The following PPM1F variants were observed in gnomAD, a reference collection of about 807,000 sequenced individuals.
PPM1F encodes the protein protein phosphatase, Mg2+/Mn2+ dependent 1F.
In PPM1F, 17 loss-of-function variants were observed where a neutral mutation model predicts 35.5. The observed-to-expected ratio is 0.48, with a 90% confidence interval of 0.33 to 0.72. The LOEUF (loss-of-function observed/expected upper bound fraction) is 0.72, where lower values mean the gene tolerates loss of function less well. PPM1F is among the 30% of genes least tolerant of loss of function. PPM1F has a pLI of 0.02. For missense variants in PPM1F, 521 were observed against 613.0 expected, an observed-to-expected ratio of 0.85 and a Z score of 1.59; for synonymous variants, 241 against 255.5, an observed-to-expected ratio of 0.94 and a Z score of 0.54.
intron 5 of PPM1F, among the ~76,000 whole-genome samples, chr22:21,931,687 T>C (rs1425666144): frequency 1.3e-5 from 2 of 151,900 alleles, no homozygotes; most frequent in Non-Finnish European, 2.9e-5. Flanking sequence ...TAATTTTTTG[T>C]GTTTTTAGTA....
At chr22:21,924,930 C>G (rs1208460103) in intron 7 of PPM1F, 1 of 151,770 alleles carries the variant, frequency 6.6e-6, no homozygotes, top group Admixed American at 6.6e-5. Context: ...ACAGAGTTTT[C>G]CTCGTTATCC....
At chr22:21,931,975 G>A (rs896424480) in intron 5 of PPM1F, among the ~76,000 whole-genome samples, 2 of 151,968 alleles carry the variant, frequency 1.3e-5, no homozygotes, top group Non-Finnish European at 2.9e-5. Flanking sequence ...ACCATACCTG[G>A]CTAATTTTTT....
rs1408741399 is a variant in PPM1F at position 21,919,608 on chromosome 22, C to T, written c.*3484G>A. 4 of 152,592 alleles carry T rather than the reference C, an allele frequency of 2.6e-5. No individual in the cohort carries two copies. Among genetic ancestry groups the T allele is most frequent in the African/African-American group, 9.6e-5 (4 of 41,464 alleles). 9.5% of individuals were successfully genotyped at this position (152,592 alleles called of 1,614,324 possible). A position where few individuals can be genotyped will look rare whatever the true frequency, so the allele number is the denominator to read the frequency against. ...GCCCACCGAGACGAACGCAGATAAA[C>T]CCTTCGCAAGGCCTGCACTGCACCG... On this transcript the variant is annotated 3_prime_UTR_variant, in exon 8 of 8. Coordinates refer to ENST00000263212, the MANE Select transcript of PPM1F (RefSeq NM_014634.4).
chr22:21,951,432 T>G (rs942127904), intron 1 of PPM1F: 2 of 146,774 alleles, frequency 1.4e-5, no homozygotes, highest in Non-Finnish European at 3.0e-5. Flanking sequence ...CTCAGCTCAC[T>G]GCAACCTTCG....
chr22:21,928,707 T>C (rs1021262024), intron 6 of PPM1F, among the ~76,000 whole-genome samples: 4 of 152,302 alleles, frequency 2.6e-5, no homozygotes, highest in African/African-American at 9.6e-5. Flanking sequence ...CTCCTGAGGC[T>C]TGAGAGGTGG....
chr22:21,939,522 C>G lies in PPM1F; in HGVS notation c.355+10G>C, dbSNP rs536997113. 1.9e-6 allele frequency: 3 copies of G among 1,603,302 alleles called. No homozygotes were observed. The South Asian group carries it at 3.4e-5, about 18-fold the overall frequency. The stretch of plus-strand genomic sequence containing the variant: ...AGCCCTGGGGCCACCTCAGAAGAAA[C>G]AGAACTCACAGGTCACAGGGGCCTT... On this transcript the variant is annotated intron_variant, in intron 3 of 7. Transcript: ENST00000263212. The surrounding 1 kb of genome is among the most constrained non-coding windows in gnomAD (Gnocchi z 5.1).
intron 6 of PPM1F, among the ~76,000 whole-genome samples, chr22:21,927,908 C>T (rs1027123747): frequency 6.7e-6 from 1 of 149,148 alleles, no homozygotes; most frequent in African/African-American, 2.5e-5. Flanking sequence ...CCTGAGTCTC[C>T]TAGTCACTGA....
chr22:21,947,576 G>A (rs1006117657), intron 1 of PPM1F: 4 of 152,230 alleles, frequency 2.6e-5, no homozygotes, highest in African/African-American at 9.6e-5. Context: ...CGAGTTCTAG[G>A]GTGGAGAATT....
chr22:21,931,109 C>T, intron 6 of PPM1F, 39 bp downstream of exon 6: 1 of 1,610,374 alleles, frequency 6.2e-7, no homozygotes, highest in Non-Finnish European at 8.5e-7. Context: ...ATGATGGAGG[C>T]CAGGAATATC....
intron 6 of PPM1F, among the ~76,000 whole-genome samples, chr22:21,929,660 G>C (rs1047615383): frequency 7.2e-5 from 11 of 152,218 alleles, no homozygotes; most frequent in South Asian, 2.1e-4. Context: ...CTAGGGAGCA[G>C]GTGCCAAATT....
chr22:21,931,124 G>A (rs1466148855), intron 6 of PPM1F, 24 bp downstream of exon 6: 1 of 1,613,148 alleles, frequency 6.2e-7, no homozygotes. Context: ...AATATCCTGG[G>A]CCTGGGCGCA....
At chr22:21,933,243 G>T in intron 5 of PPM1F, 148 bp downstream of exon 5, 1 of 733,426 alleles carries the variant, frequency 1.4e-6, no homozygotes, top group Non-Finnish European at 2.1e-6. Context: ...TGAAAACCAA[G>T]CCCCTTTAGA....
chr22:21,937,504 G>A (rs1388587968), intron 3 of PPM1F, among the ~76,000 whole-genome samples: 1 of 152,172 alleles, frequency 6.6e-6, no homozygotes, highest in East Asian at 1.9e-4. Context: ...ACACAAGTTT[G>A]GCCAGTGGAT....
rs1249477981 is a variant in PPM1F, at chr22:21,934,134, C to T, written c.448G>A (p.Ala150Thr). The T allele has an allele frequency of 1.3e-6, 2 of 1,572,718 alleles. No homozygotes were observed. Among genetic ancestry groups the T allele is most frequent in the Admixed American group, 3.7e-5 (2 of 53,564 alleles). Residue 150 changes from alanine (A) to threonine (T), a missense_variant, in exon 4 of 8, where the codon GCC (alanine) becomes ACC (threonine). Physicochemically the swap from Ala to Thr is moderately conservative, Grantham distance 58. Around this residue, in one of 3 missense-constraint regions of PPM1F, gnomAD observed 311 missense variants for 351.5 expected, o/e 0.88. Coordinates refer to ENST00000263212, the MANE Select transcript of PPM1F (RefSeq NM_014634.4). ...WQKQVPLAAR[A>T]SQRQWLVSIH... is the part of the protein sequence containing the mutation. ...GAGACCAGCCACTGCCGCTGTGAGG[C>T]CCGGGCAGCCAATGGCACCTGCTTC...
At chr22:21,933,916 T>A in intron 4 of PPM1F, 108 bp downstream of exon 4, 1 of 1,077,860 alleles carries the variant, frequency 9.3e-7, no homozygotes, top group Non-Finnish European at 1.3e-6. Context: ...CTGACGGGTG[T>A]CTCTCCTGTC....
intron 5 of PPM1F, chr22:21,932,653 G>C (rs145403073): frequency 6.6e-6 from 1 of 152,332 alleles, no homozygotes; most frequent in East Asian, 1.9e-4. Context: ...GTTCACAGAG[G>C]AGGGGCCTGA....
In PPM1F at chr22:21,925,551, G is replaced by T; in HGVS notation, c.985+18C>A. On this transcript the variant is annotated intron_variant, in intron 7 of 7. Transcript: ENST00000263212. ...CGAGAGACCTTCTCCCACTTGGGTC[G>T]GCCTCTTTGGCTCTCACCGATGGCT... 1 of 1,612,066 alleles carries T rather than the reference G, an allele frequency of 6.2e-7. No homozygotes were observed. The highest frequency in any genetic ancestry group is 8.5e-7 in the Non-Finnish European group (1 of 1,178,380).
chr22:21,931,067 C>T (rs1209368756), intron 6 of PPM1F, 81 bp downstream of exon 6: 9 of 1,567,368 alleles, frequency 5.7e-6, no homozygotes, highest in Non-Finnish European at 7.8e-6. Flanking sequence ...CTGAAGTTCC[C>T]AGGCTGGGTG....
At chr22:21,933,690 G>C in intron 4 of PPM1F, 111 bp from the exon 5 acceptor site, 1 of 1,033,320 alleles carries the variant, frequency 9.7e-7, no homozygotes, top group Non-Finnish European at 1.4e-6. Context: ...TATGGCCTTC[G>C]CCCGGCTTAT....
Sources: gnomAD v4.1 joint callset for allele counts (sites outside exome capture counted in the v4.1 genomes callset) on GRCh38, gnomAD v4.1.1 for gene constraint, gnomAD v4.1.1 regional missense constraint, Gnocchi (gnomAD v3.1) non-coding constraint, MANE v1.5 for transcripts, NCBI Gene and HGNC (gene_info 2026-07-23, HGNC 2026-07-21) for gene names.